The following CEP41 variants were observed in gnomAD, a reference collection of about 807,000 sequenced individuals.
The protein encoded by CEP41 is centrosomal protein 41.
A neutral mutation model predicts 44.3 loss-of-function variants in CEP41; 32 were observed. The observed-to-expected ratio is 0.72, with a 90% CI of 0.54 to 0.97. The LOEUF is 0.97. Ranked by LOEUF, CEP41 falls within the 50% of genes least tolerant of loss-of-function variation. CEP41 has a pLI of 0.00. For synonymous variants in CEP41, 151 were observed against 168.5 expected (o/e 0.90, Z 0.80); for missense variants, 432 against 455.2 (o/e 0.95, Z 0.46).
chr7:130,398,586 A>G lies in CEP41; in HGVS notation c.*305T>C, dbSNP rs1554415892. On this transcript the variant is annotated 3_prime_UTR_variant, in exon 11 of 11. Transcript: ENST00000223208. ...GGACCTTATTAAAAAAAAACAAAACAAAAAAACTAAAAACGTAGATACTTT... is the reference window on the plus strand; with the variant it reads ...GGACCTTATTAAAAAAAAACAAAACGAAAAAACTAAAAACGTAGATACTTT... 1.9e-6 allele frequency: 1 copy of G among 538,770 alleles called. No homozygotes were observed. Among genetic ancestry groups the G allele is most frequent in the Non-Finnish European group, 3.5e-6 (1 of 282,794 alleles). The allele number at this position is 538,770 out of a possible 1,614,324, so 33.4% of individuals were successfully genotyped here.
chr7:130,416,958 T>A lies in CEP41; in HGVS notation c.106A>T (p.Met36Leu). 1 of 1,575,662 alleles carries A rather than the reference T, an allele frequency of 6.3e-7. No homozygotes were observed. The highest frequency in any genetic ancestry group is 2.2e-5 in the East Asian group (1 of 44,728). The change falls in exon 3 of 11, where the codon ATG becomes TTG. Residue 36 changes from methionine (M) to leucine (L), a missense_variant. Physicochemically the swap from Met to Leu is conservative, Grantham distance 15. Transcript: ENST00000223208. The part of the protein sequence containing the change: ...IKSRLDTGNS[M>L]TKYTEKLEEI... Reference sequence around the variant, plus strand: ...TCGAGCTTCTCAGTATATTTAGTCATACTGTTACCTAAAAAGAAAATAAGG... The same window carrying A: ...TCGAGCTTCTCAGTATATTTAGTCAAACTGTTACCTAAAAAGAAAATAAGG...
intron 2 of CEP41, among the ~76,000 whole-genome samples, chr7:130,418,569 A>G (rs1470897664): frequency 6.6e-6 from 1 of 152,188 alleles, no homozygotes; most frequent in Non-Finnish European, 1.5e-5. Context: ...TTGACGTGGC[A>G]GGTAGTTTCT....
Position 130,428,031 on chromosome 7 carries a change from GA to G in CEP41, c.34-14del, listed in dbSNP as rs782672116. ...TTTTCATCAGATACTAAAAAATAAG[GA>G]AATTCACAATTAATTGGGTTAATGT... On this transcript the variant is annotated splice_polypyrimidine_tract_variant and intron_variant, in intron 1 of 10. Transcript: ENST00000223208. The G allele has an allele frequency of 6.4e-7, 1 of 1,550,802 alleles. No homozygotes were observed. Among genetic ancestry groups the G allele is most frequent in the African/African-American group, 1.4e-5 (1 of 73,686 alleles).
rs959755936 is a variant in CEP41 at position 130,395,051 on chromosome 7, A to C, written c.*3840T>G. ...ACAGACACCGTTTCGAAAACACATA[A>C]AATCATGCACCGAATCCTGTTCTGC... On this transcript the variant is annotated 3_prime_UTR_variant, in exon 11 of 11. Coordinates refer to ENST00000223208, the MANE Select transcript of CEP41 (RefSeq NM_018718.3). The C allele has an allele frequency of 6.6e-6, 3 of 454,066 alleles. No homozygotes were observed. The highest frequency in any genetic ancestry group is 2.3e-5 in the Admixed American group (1 of 42,578). 28.1% of individuals were successfully genotyped at this position (454,066 alleles called of 1,614,324 possible). A position where few individuals can be genotyped will look rare whatever the true frequency, so the allele number is the denominator to read the frequency against.
At chr7:130,430,224 A>G (rs1797784015) in intron 1 of CEP41, among the ~76,000 whole-genome samples, 1 of 152,204 alleles carries the variant, frequency 6.6e-6, no homozygotes, top group Non-Finnish European at 1.5e-5. Context: ...AAGGACATAA[A>G]AAACAAAACC....
intron 5 of CEP41, 66 bp from the exon 6 acceptor site, chr7:130,404,774 A>G (rs1796959547): frequency 8.2e-7 from 1 of 1,212,522 alleles, no homozygotes; most frequent in African/African-American, 1.5e-5. Context: ...TATTAGTTCC[A>G]CTGACATTAA....
rs1371302928 is a variant in CEP41 at position 130,395,101 on chromosome 7, C to T, written c.*3790G>A. The T allele has an allele frequency of 4.2e-5, 19 of 453,958 alleles. No homozygotes were observed. The Admixed American group carries it at 4.2e-4, about 10-fold the overall frequency. The allele number at this position is 453,958 out of a possible 1,614,324, so 28.1% of individuals were successfully genotyped here. On this transcript the variant is annotated 3_prime_UTR_variant, in exon 11 of 11. Transcript: ENST00000223208. ...CCTGAATTCAAGGCTGACAAATTTCCACCATTACATTTTTTATGTTGTAAC... is the reference window on the plus strand; with the variant it reads ...CCTGAATTCAAGGCTGACAAATTTCTACCATTACATTTTTTATGTTGTAAC...
intron 2 of CEP41, among the ~76,000 whole-genome samples, chr7:130,422,236 C>T (rs1427490693): frequency 6.6e-6 from 1 of 152,130 alleles, no homozygotes; most frequent in East Asian, 1.9e-4. Context: ...CTCTGAATTG[C>T]TTGCTGTTTG....
chr7:130,414,511 T>A (rs1797277546), intron 3 of CEP41, among the ~76,000 whole-genome samples: 1 of 152,252 alleles, frequency 6.6e-6, no homozygotes, highest in Non-Finnish European at 1.5e-5. Flanking sequence ...GTTACAAGGT[T>A]TAAAATGCTT....
chr7:130,440,666 G>C (rs1262779495), intron 1 of CEP41: 1 of 595,952 alleles, frequency 1.7e-6, no homozygotes, highest in African/African-American at 1.9e-5. Context: ...TTGAGGGCAA[G>C]GGCTGTGTCT....
chr7:130,394,427 A>G lies in CEP41; in HGVS notation c.*4464T>C, dbSNP rs886061987. On this transcript the variant is annotated 3_prime_UTR_variant, in exon 11 of 11. Coordinates refer to ENST00000223208, the MANE Select transcript of CEP41 (RefSeq NM_018718.3). ...CTCTCCACAAACATTGGCTAGTATT[A>G]TTATTTTCTGGAAATCTTCAAGATT... The G allele has an allele frequency of 5.3e-5, 24 of 454,012 alleles. 1 individual carries two copies. The highest frequency in any genetic ancestry group is 1.0e-4 in the Non-Finnish European group (23 of 226,796). The allele number at this position is 454,012 out of a possible 1,614,324, so 28.1% of individuals were successfully genotyped here.
chr7:130,439,328 T>C (rs550940331), intron 1 of CEP41, among the ~76,000 whole-genome samples: 2 of 145,622 alleles, frequency 1.4e-5, no homozygotes, highest in South Asian at 2.4e-4. Context: ...TTCCAGTCAA[T>C]AGTAGGCTAT....
At chr7:130,406,987 AAT>A (rs1554418334) in intron 5 of CEP41, among the ~76,000 whole-genome samples, 1 of 151,172 alleles carries the variant, frequency 6.6e-6, no homozygotes. Context: ...GTATATAAAA[AAT>A]ATATATATAT....
chr7:130,405,801 A>G (rs1796990365), intron 5 of CEP41, among the ~76,000 whole-genome samples: 1 of 152,030 alleles, frequency 6.6e-6, no homozygotes, highest in Admixed American at 6.5e-5. Context: ...GCTAATCCTT[A>G]AGAAACTAGC....
At position 130,394,191 on chromosome 7, in the gene CEP41, T is replaced by G. The variant is rs1584857963; in HGVS notation, c.*4700A>C. 2.2e-6 allele frequency: 1 copy of G among 453,750 alleles called. No individual in the cohort carries two copies. Among genetic ancestry groups the G allele is most frequent in the East Asian group, 7.0e-5 (1 of 14,370 alleles). 28.1% of individuals were successfully genotyped at this position (453,750 alleles called of 1,614,324 possible). ...CCAGAGTGAGAAGCATAGAGCGGAG[T>G]GGCTGAAAGAACACCCTCTGGAGCC... is the stretch of plus-strand genomic sequence containing the variant. On this transcript the variant is annotated 3_prime_UTR_variant, in exon 11 of 11. Transcript: ENST00000223208.
In CEP41 at chr7:130,398,825, C is replaced by G; in HGVS notation, c.*66G>C. ...GCAGAAGTTTCTGGAAATGACCCAACTTGGGAAATGCTCAGGGGTTCTGAA... is the reference window on the plus strand; with the variant it reads ...GCAGAAGTTTCTGGAAATGACCCAAGTTGGGAAATGCTCAGGGGTTCTGAA... On this transcript the variant is annotated 3_prime_UTR_variant, in exon 11 of 11. Coordinates refer to ENST00000223208, the MANE Select transcript of CEP41 (RefSeq NM_018718.3). The G allele has an allele frequency of 6.3e-7, 1 of 1,587,962 alleles. No individual in the cohort carries two copies. Among genetic ancestry groups the G allele is most frequent in the Non-Finnish European group, 8.6e-7 (1 of 1,156,986 alleles).
intron 7 of CEP41, among the ~76,000 whole-genome samples, chr7:130,402,271 A>C (rs1165075398): frequency 6.6e-6 from 1 of 150,854 alleles, no homozygotes; most frequent in African/African-American, 2.4e-5. Flanking sequence ...ACTTGAGCCC[A>C]GGAAGGCAAG....
intron 2 of CEP41, chr7:130,421,479 A>G: frequency 1.0e-6 from 1 of 984,030 alleles, no homozygotes; most frequent in East Asian, 1.1e-4. Context: ...CCTTTCACAT[A>G]TATTTCTTCC....
chr7:130,405,274 T>C, intron 5 of CEP41, among the ~76,000 whole-genome samples: 1 of 152,230 alleles, frequency 6.6e-6, no homozygotes, highest in Non-Finnish European at 1.5e-5. Context: ...GTGTGATTGC[T>C]GAGTTGCAGG....
Sources: gnomAD v4.1 joint callset for allele counts (sites outside exome capture counted in the v4.1 genomes callset) on GRCh38, gnomAD v4.1.1 for gene constraint, MANE v1.5 for transcripts, NCBI Gene and HGNC (gene_info 2026-07-23, HGNC 2026-07-21) for gene names.